Variants in THBS4 observed in about 807,000 individuals in gnomAD.
THBS4 encodes thrombospondin 4.
In THBS4, 90 loss-of-function variants were observed where a neutral mutation model predicts 115.7. That is an observed-to-expected ratio of 0.78 (90% confidence interval 0.66 to 0.93). The LOEUF (loss-of-function observed/expected upper bound fraction) is 0.93, where lower values mean the gene tolerates loss of function less well. Among genes scored for constraint, THBS4 ranks in the 40% least tolerant of loss-of-function variants. The probability of loss-of-function intolerance (pLI) is 0.00; values close to 1 mark genes in which losing one functional copy is unlikely to be tolerated. For synonymous variants in THBS4, 460 were observed against 479.3 expected (o/e 0.96, Z 0.53); for missense variants, 1,087 against 1,232.7 (o/e 0.88, Z 1.77).
intron 5 of THBS4, 94 bp downstream of exon 5, chr5:80,058,884 G>A: frequency 1.6e-6 from 2 of 1,242,606 alleles, no homozygotes; most frequent in Non-Finnish European, 2.3e-6. Flanking sequence ...AGGCACGGGG[G>A]CAGCCTCTGA....
intron 2 of THBS4, among the ~76,000 whole-genome samples, chr5:80,015,171 G>C (rs1296849284): frequency 6.6e-6 from 1 of 152,204 alleles, no homozygotes; most frequent in East Asian, 1.9e-4. Flanking sequence ...AAGGAAAAAA[G>C]GTGTAACCCT....
chr5:80,030,928 G>T (rs1039386447), upstream of THBS4, among the ~76,000 whole-genome samples: 3 of 152,180 alleles, frequency 2.0e-5, no homozygotes, highest in African/African-American at 7.2e-5. Context: ...TAACACATAT[G>T]TATAAAACTT....
At chr5:80,050,940 G>A (rs913634364) in intron 2 of THBS4, among the ~76,000 whole-genome samples, 1 of 152,190 alleles carries the variant, frequency 6.6e-6, no homozygotes, top group African/African-American at 2.4e-5. Context: ...GTGGTGGCCA[G>A]GCAGAGGTGT....
At chr5:80,007,578 C>T (rs570432531) in intron 2 of THBS4, among the ~76,000 whole-genome samples, 5 of 152,224 alleles carry the variant, frequency 3.3e-5, no homozygotes, top group Admixed American at 6.5e-5. Flanking sequence ...TACTCAGATC[C>T]TGTTTCTCAC....
intron 1 of THBS4, among the ~76,000 whole-genome samples, chr5:79,995,972 T>TAA (rs34667223): frequency 0.024 from 3,502 of 143,030 alleles, 137 homozygotes; most frequent in African/African-American, 0.081. Context: ...CAATCTCTAC[T>TAA]AAAAAAAAAA....
intron 2 of THBS4, among the ~76,000 whole-genome samples, chr5:80,009,000 TG>T (rs1832070905): frequency 6.6e-6 from 1 of 152,312 alleles, no homozygotes; most frequent in South Asian, 2.1e-4. Flanking sequence ...GAAGCACCAA[TG>T]GAAATGGCTG....
At chr5:79,995,293 CTATAT>C (rs1484499870) in intron 1 of THBS4, among the ~76,000 whole-genome samples, 1 of 152,098 alleles carries the variant, frequency 6.6e-6, no homozygotes, top group African/African-American at 2.4e-5. Flanking sequence ...AACCCATAAA[CTATAT>C]TAAATAAAGT....
rs1743259489 is a variant in THBS4 at position 80,077,147 on chromosome 5, C to T, written c.2086+99C>T. 2.8e-5 allele frequency: 33 copies of T among 1,177,300 alleles called. 1 individual carries two copies. The South Asian group carries it at 5.4e-4, about 19-fold the overall frequency. The allele number at this position is 1,177,300 out of a possible 1,614,324, so 72.9% of individuals were successfully genotyped here. A position where few individuals can be genotyped will look rare whatever the true frequency, so the allele number is the denominator to read the frequency against. ...CTCCAGGCACCAACTCAGAATATCCCCAGCTCCCATCAGCTGCTTCTCTAC... is the reference window on the plus strand; with the variant it reads ...CTCCAGGCACCAACTCAGAATATCCTCAGCTCCCATCAGCTGCTTCTCTAC... On this transcript the variant is annotated intron_variant, in intron 16 of 21. Coordinates refer to ENST00000350881, the MANE Select transcript of THBS4 (RefSeq NM_003248.6).
chr5:79,994,796 G>A (rs1368808419), intron 1 of THBS4, among the ~76,000 whole-genome samples: 1 of 152,234 alleles, frequency 6.6e-6, no homozygotes, highest in Non-Finnish European at 1.5e-5. Context: ...TAGAGGCACA[G>A]TTGATGAAAC....
chr5:80,035,171 G>C (rs1832669864), upstream of THBS4, among the ~76,000 whole-genome samples: 1 of 151,934 alleles, frequency 6.6e-6, no homozygotes, highest in Non-Finnish European at 1.5e-5. The surrounding 1 kb of genome is among the most constrained non-coding windows in gnomAD (Gnocchi z 4.6). Context: ...CCAGGACCTG[G>C]TCCGTCCAGG....
intron 2 of THBS4, among the ~76,000 whole-genome samples, chr5:80,022,043 C>G (rs939176762): frequency 2.6e-5 from 4 of 152,106 alleles, no homozygotes; most frequent in Non-Finnish European, 4.4e-5. Flanking sequence ...CCTGATGTCT[C>G]AGTTTTCTAT....
chr5:80,070,990 CT>C (rs2112138681), intron 12 of THBS4, 30 bp from the exon 13 acceptor site: 1 of 1,608,056 alleles, frequency 6.2e-7, no homozygotes, highest in Non-Finnish European at 8.5e-7. Context: ...TAGTAAAAGT[CT>C]GAGTGATGTT....
chr5:80,000,225 T>C (rs1423754867), intron 2 of THBS4, among the ~76,000 whole-genome samples: 5 of 152,240 alleles, frequency 3.3e-5, no homozygotes, highest in Admixed American at 6.5e-5. Context: ...CTAACTCTTA[T>C]ATCCCCCACA....
At chr5:80,018,353 T>G (rs1015521604) in intron 2 of THBS4, among the ~76,000 whole-genome samples, 2 of 151,822 alleles carry the variant, frequency 1.3e-5, no homozygotes, top group Non-Finnish European at 2.9e-5. Context: ...TAATTTAAAT[T>G]ATATTTCCAT....
intron 2 of THBS4, among the ~76,000 whole-genome samples, chr5:80,045,022 A>G (rs1485873602): frequency 6.6e-6 from 1 of 152,190 alleles, no homozygotes; most frequent in Non-Finnish European, 1.5e-5. Context: ...TTGATTGCCT[A>G]TAAAATGGGG....
intron 2 of THBS4, among the ~76,000 whole-genome samples, chr5:80,022,442 C>T (rs1167107083): frequency 6.6e-6 from 1 of 152,012 alleles, no homozygotes. Flanking sequence ...TGGTTACAGC[C>T]ACAAGCAAGA....
rs774650106 is a variant in THBS4, at chr5:80,055,931, T to G, written c.439T>G (p.Cys147Gly). 3 of 1,614,248 alleles carry G rather than the reference T, an allele frequency of 1.9e-6. No homozygotes were observed. The South Asian group carries it at 3.3e-5, about 18-fold the overall frequency. The change falls in exon 3 of 22, where the codon TGC (cysteine) becomes GGC (glycine). Residue 147 changes from cysteine (C) to glycine (G), a missense_variant. Coordinates refer to ENST00000350881, the MANE Select transcript of THBS4 (RefSeq NM_003248.6). ...GAGSLELYLD[C>G]IQVDSVHNLP... is the part of the protein sequence containing the mutation. Reference sequence around the variant, plus strand: ...CGGCTCCCTAGAGCTCTACCTGGACTGCATCCAGGTGGATTCCGTTCACAA... The same window carrying G: ...CGGCTCCCTAGAGCTCTACCTGGACGGCATCCAGGTGGATTCCGTTCACAA...
At chr5:79,993,406 A>G (rs1028454342) in intron 1 of THBS4, among the ~76,000 whole-genome samples, 1 of 152,234 alleles carries the variant, frequency 6.6e-6, no homozygotes, top group Admixed American at 6.5e-5. Flanking sequence ...AGAAAATTGA[A>G]GCCTTCAGAA....
At chr5:80,014,274 A>G (rs559914716) in intron 2 of THBS4, among the ~76,000 whole-genome samples, 3 of 152,338 alleles carry the variant, frequency 2.0e-5, no homozygotes, top group Admixed American at 6.5e-5. Flanking sequence ...AGGATACTCA[A>G]TGGATGTAAC....
Sources: allele counts gnomAD v4.1 joint callset (sites outside exome capture counted in the v4.1 genomes callset), GRCh38; gene constraint gnomAD v4.1.1; non-coding constraint Gnocchi (gnomAD v3.1); transcripts MANE v1.5; gene names NCBI Gene and HGNC (gene_info 2026-07-23, HGNC 2026-07-21).